CPNE4: variants seen among roughly 807,000 people sequenced by gnomAD.
CPNE4 encodes the protein copine-4.
In CPNE4, 25 loss-of-function variants were observed where a neutral mutation model predicts 67.9. The ratio of observed to expected loss-of-function variants is 0.37; its 90% CI spans 0.27 to 0.51. CPNE4 has a LOEUF of 0.51. CPNE4 is among the 20% of genes least tolerant of loss of function. The probability of loss-of-function intolerance (pLI) is 0.93; values close to 1 mark genes in which losing one functional copy is unlikely to be tolerated. For missense variants in CPNE4, 464 were observed against 690.8 expected (o/e 0.67, Z 3.68); for synonymous variants, 242 against 244.9 (o/e 0.99, Z 0.11).
chr3:131,671,524 G>A (rs930421008), intron 6 of CPNE4, among the ~76,000 whole-genome samples: 2 of 151,430 alleles, frequency 1.3e-5, no homozygotes, highest in Non-Finnish European at 2.9e-5. Context: ...AGTTTTGCCT[G>A]GTATTTATTT....
At chr3:132,010,078 C>A (rs1045298702) in intron 1 of CPNE4, among the ~76,000 whole-genome samples, 3 of 152,152 alleles carry the variant, frequency 2.0e-5, no homozygotes, top group Non-Finnish European at 2.9e-5. Context: ...AGGCATGGGG[C>A]GTGTCTTTGA....
intron 2 of CPNE4, among the ~76,000 whole-genome samples, chr3:131,808,589 A>G (rs2084409778): frequency 6.6e-6 from 1 of 152,176 alleles, no homozygotes; most frequent in Non-Finnish European, 1.5e-5. Flanking sequence ...AGTTTGCCTT[A>G]TCCTATATCA....
At chr3:131,548,141 A>G (rs1935974619) in intron 14 of CPNE4, among the ~76,000 whole-genome samples, 1 of 152,140 alleles carries the variant, frequency 6.6e-6, no homozygotes, top group African/African-American at 2.4e-5. Context: ...GAGAGACTTC[A>G]AATTATAATG....
At chr3:131,958,714 T>A (rs976234431) in intron 1 of CPNE4, among the ~76,000 whole-genome samples, 1 of 144,146 alleles carries the variant, frequency 6.9e-6, no homozygotes, top group African/African-American at 2.6e-5. Flanking sequence ...AACCTCCACC[T>A]GTCAGGCGAT....
chr3:131,815,445 C>A (rs1310165907), intron 2 of CPNE4, among the ~76,000 whole-genome samples: 5 of 152,128 alleles, frequency 3.3e-5, no homozygotes, highest in Non-Finnish European at 7.3e-5. Context: ...TAAATTCTAG[C>A]GTGAGGGAGC....
chr3:131,670,091 T>C (rs565684720), intron 6 of CPNE4, among the ~76,000 whole-genome samples: 1 of 152,328 alleles, frequency 6.6e-6, no homozygotes, highest in South Asian at 2.1e-4. Context: ...TGCCCATTGA[T>C]AGAGAATTCT....
At chr3:131,655,171 C>T (rs1417338064) in intron 7 of CPNE4, among the ~76,000 whole-genome samples, 1 of 152,200 alleles carries the variant, frequency 6.6e-6, no homozygotes, top group Non-Finnish European at 1.5e-5. Context: ...ATGCTTTACG[C>T]ATGAACTCTG....
At chr3:131,904,070 C>T (rs1463384886) in intron 2 of CPNE4, among the ~76,000 whole-genome samples, 1 of 152,144 alleles carries the variant, frequency 6.6e-6, no homozygotes, top group Non-Finnish European at 1.5e-5. Flanking sequence ...AAGAATGACT[C>T]ACAGAAATGT....
chr3:131,807,155 G>A (rs1028486221), intron 2 of CPNE4, among the ~76,000 whole-genome samples: 1 of 152,104 alleles, frequency 6.6e-6, no homozygotes, highest in Non-Finnish European at 1.5e-5. Context: ...GGGACACAGT[G>A]ACCCTCTAGA....
intron 2 of CPNE4, among the ~76,000 whole-genome samples, chr3:131,759,873 T>C (rs1426684170): frequency 6.6e-6 from 1 of 152,172 alleles, no homozygotes; most frequent in Non-Finnish European, 1.5e-5. Flanking sequence ...TCACTAGCTA[T>C]TCTAAAGACA....
chr3:131,688,195 G>A (rs758344835), intron 5 of CPNE4, among the ~76,000 whole-genome samples: 7 of 152,062 alleles, frequency 4.6e-5, no homozygotes, highest in African/African-American at 7.2e-5. Flanking sequence ...ACTATCTTCC[G>A]CTTTGCTTTC....
At chr3:131,779,098 A>G (rs1213976887) in intron 2 of CPNE4, among the ~76,000 whole-genome samples, 1 of 152,140 alleles carries the variant, frequency 6.6e-6, no homozygotes, top group East Asian at 1.9e-4. Context: ...AGCCACAAAA[A>G]GAATAAAATA....
chr3:131,957,056 G>A (rs1478219420), intron 1 of CPNE4, among the ~76,000 whole-genome samples: 1 of 152,138 alleles, frequency 6.6e-6, no homozygotes, highest in Admixed American at 6.5e-5. Context: ...TTGCATGTGA[G>A]GCAACCTCTC....
At position 131,735,072 on chromosome 3, in the gene CPNE4, A is replaced by G. The variant is rs544950584; in HGVS notation, c.181-11447T>C. On this transcript the variant is annotated intron_variant, in intron 2 of 15. Coordinates refer to ENST00000429747, the MANE Select transcript of CPNE4 (RefSeq NM_130808.3). ...GTCTAGGGCCCAGCACTTCAGCATC[A>G]GGGTTTAAACATAAACATACACATA... Among the ~76,000 whole-genome samples, 70 of 152,318 alleles carry G rather than the reference A, an allele frequency of 4.6e-4. 1 individual carries two copies. Among genetic ancestry groups the G allele is most frequent in the Non-Finnish European group, 3.4e-4 (23 of 68,026 alleles).
intron 2 of CPNE4, among the ~76,000 whole-genome samples, chr3:131,801,420 G>GTA (rs761078969): frequency 0.36 from 26,768 of 74,322 alleles, 6,036 homozygotes; most frequent in East Asian, 0.48. Flanking sequence ...ATATACGTGT[G>GTA]TGTGTGTGTG....
At chr3:131,666,252 A>C (rs1266151942) in intron 7 of CPNE4, among the ~76,000 whole-genome samples, 2 of 68,896 alleles carry the variant, frequency 2.9e-5, no homozygotes, top group East Asian at 5.5e-4. Context: ...TAAACATTTA[A>C]TATAATTATA....
At chr3:131,587,325 G>A (rs1301173056) in intron 8 of CPNE4, among the ~76,000 whole-genome samples, 159 bp downstream of exon 8, 1 of 152,156 alleles carries the variant, frequency 6.6e-6, no homozygotes, top group Non-Finnish European at 1.5e-5. Flanking sequence ...TTTGGGTTGG[G>A]CTAGTTCTAG....
intron 7 of CPNE4, among the ~76,000 whole-genome samples, chr3:131,648,428 G>A (rs552361399): frequency 6.6e-6 from 1 of 152,124 alleles, no homozygotes; most frequent in South Asian, 2.1e-4. Flanking sequence ...ATGGACATCA[G>A]CCTTCCCCAT....
intron 2 of CPNE4, among the ~76,000 whole-genome samples, chr3:131,785,416 C>A (rs985924516): frequency 1.3e-5 from 2 of 151,996 alleles, no homozygotes; most frequent in African/African-American, 4.8e-5. Context: ...TATTTTTCAC[C>A]TTCCCCATGA....
Sources: allele counts gnomAD v4.1 joint callset (sites outside exome capture counted in the v4.1 genomes callset), GRCh38; gene constraint gnomAD v4.1.1; transcripts MANE v1.5; gene names NCBI Gene and HGNC (gene_info 2026-07-23, HGNC 2026-07-21).